ZDHHC16: variants seen among roughly 807,000 people sequenced by gnomAD.
The protein encoded by ZDHHC16 is zDHHC palmitoyltransferase 16, also known as palmitoyltransferase ZDHHC16.
In ZDHHC16, 33 loss-of-function variants were observed where a neutral mutation model predicts 54.4. The ratio of observed to expected loss-of-function variants is 0.61; its 90% CI spans 0.46 to 0.81. ZDHHC16 has a LOEUF of 0.81. Among genes scored for constraint, ZDHHC16 ranks in the 30% least tolerant of loss-of-function variants. The pLI, the probability that ZDHHC16 is intolerant of heterozygous loss-of-function variation, is 0.00. For synonymous variants in ZDHHC16, 185 were observed against 182.1 expected, an observed-to-expected ratio of 1.02 and a Z score of -0.13; for missense variants, 420 against 485.9, an observed-to-expected ratio of 0.86 and a Z score of 1.28.
chr10:97,456,269 G>C (rs1847173647), intron 11 of ZDHHC16: 1 of 519,572 alleles, frequency 1.9e-6, no homozygotes, highest in Non-Finnish European at 3.3e-6. Flanking sequence ...TGGAATCCTA[G>C]GAAAGCTGTG....
Position 97,446,191 on chromosome 10 carries a change from T to G in ZDHHC16, c.-348T>G, listed in dbSNP as rs1845995640. 1 of 721,996 alleles carries G rather than the reference T, an allele frequency of 1.4e-6. No homozygotes were observed. The highest frequency in any genetic ancestry group is 2.3e-6 in the Non-Finnish European group (1 of 437,620). The allele number at this position is 721,996 out of a possible 1,614,324, so 44.7% of individuals were successfully genotyped here. A position where few individuals can be genotyped will look rare whatever the true frequency, so the allele number is the denominator to read the frequency against. Reference sequence around the variant, plus strand: ...CCTGCGCGTGTGGTTGAGGATGGGCTGGCGGCGGGTCCGGGTCCGCTGCCT... The same window carrying G: ...CCTGCGCGTGTGGTTGAGGATGGGCGGGCGGCGGGTCCGGGTCCGCTGCCT... On this transcript the variant is annotated 5_prime_UTR_variant, in exon 1 of 12. Coordinates refer to ENST00000393760, the MANE Select transcript of ZDHHC16 (RefSeq NM_198046.3).
Position 97,454,704 on chromosome 10 carries a change from C to G in ZDHHC16, c.739-10C>G. 1 of 1,613,992 alleles carries G rather than the reference C, an allele frequency of 6.2e-7. No individual in the cohort carries two copies. Among genetic ancestry groups the G allele is most frequent in the Non-Finnish European group, 8.5e-7 (1 of 1,179,908 alleles). ...GCAAATGAGCCAGCTTTGCTGTTTT[C>G]TTTTTCTAGACTTATCACCAGACCC... is the stretch of plus-strand genomic sequence containing the variant. On this transcript the variant is annotated splice_polypyrimidine_tract_variant and intron_variant, in intron 8 of 11. Transcript: ENST00000393760.
At chr10:97,447,461 G>C (rs1485331601) in intron 1 of ZDHHC16, among the ~76,000 whole-genome samples, 3 of 152,230 alleles carry the variant, frequency 2.0e-5, no homozygotes, top group Non-Finnish European at 4.4e-5. Context: ...TCTGGTGGCA[G>C]ATGACCAGTA....
At chr10:97,453,480 C>A (rs779989175) in intron 6 of ZDHHC16, 50 bp from the exon 7 acceptor site, 3 of 1,597,748 alleles carry the variant, frequency 1.9e-6, no homozygotes, top group Non-Finnish European at 2.6e-6. Context: ...GGGGCCTGGA[C>A]ACCGCCTGAA....
At position 97,456,824 on chromosome 10, in the gene ZDHHC16, G is replaced by A. The variant is rs1215518284; in HGVS notation, c.1067G>A (p.Gly356Glu). Residue 356 changes from glycine to glutamate, a missense_variant, in exon 12 of 12, where the codon GGG (glycine) becomes GAG (glutamate). Transcript: ENST00000393760. The part of the protein sequence containing the change: ...VLLPSSHLPH[G>E]NGMSWEPPPW... ...TTACCTTCTAGTCACTTGCCCCATGGGAATGGAATGAGCTGGGAGCCCCCT... is the reference window on the plus strand; with the variant it reads ...TTACCTTCTAGTCACTTGCCCCATGAGAATGGAATGAGCTGGGAGCCCCCT... 6.2e-7 allele frequency: 1 copy of A among 1,613,820 alleles called. No homozygotes were observed.
chr10:97,453,348 A>G (rs1423352500), intron 6 of ZDHHC16, among the ~76,000 whole-genome samples, 182 bp from the exon 7 acceptor site: 1 of 151,848 alleles, frequency 6.6e-6, no homozygotes, highest in Non-Finnish European at 1.5e-5. Flanking sequence ...AAAAGCTTTG[A>G]GCATTTTCAC....
chr10:97,451,542 G>A, intron 2 of ZDHHC16, 129 bp from the exon 3 acceptor site: 1 of 1,318,846 alleles, frequency 7.6e-7, no homozygotes, highest in South Asian at 1.5e-5. Flanking sequence ...ACTTCTCACA[G>A]TTGGTGACTG....
At chr10:97,454,580 CTACCCTAACTCCTCTGTGGCTT>C in intron 8 of ZDHHC16, 112 bp from the exon 9 acceptor site, 1 of 784,934 alleles carries the variant, frequency 1.3e-6, no homozygotes, top group Non-Finnish European at 2.1e-6. Context: ...ATCTTGGCTG[CTACCCTAACTCCTCTGTGGCTT>C]TACCCTGTTT....
chr10:97,453,697 G>A lies in ZDHHC16; in HGVS notation c.690+34G>A, dbSNP rs777347131. On this transcript the variant is annotated intron_variant, in intron 7 of 11. Coordinates refer to ENST00000393760, the MANE Select transcript of ZDHHC16 (RefSeq NM_198046.3). The stretch of plus-strand genomic sequence containing the variant: ...ATCAGGAACAGGGCAGCTCAGTAGT[G>A]CAGAACTTCGGGATGTAGAACCTGT... The A allele has an allele frequency of 3.1e-6, 5 of 1,614,034 alleles. No individual in the cohort carries two copies. The African/African-American group carries it at 4.0e-5, about 13-fold the overall frequency.
At chr10:97,454,960 A>G (rs1036089352) in intron 9 of ZDHHC16, among the ~76,000 whole-genome samples, 161 bp downstream of exon 9, 3 of 152,224 alleles carry the variant, frequency 2.0e-5, no homozygotes, top group Admixed American at 2.0e-4. Context: ...CAGGGCAGGG[A>G]GCACTGAGGA....
rs771433126 is a variant in ZDHHC16, at chr10:97,453,887, TG to T, written c.738+46del. Reference sequence around the variant, plus strand: ...CCCACTGCCTCCTGCTGCTCAGGCCTGGGGGTATAGAGTTGCTAAGGCATCT... The same window carrying T: ...CCCACTGCCTCCTGCTGCTCAGGCCTGGGGTATAGAGTTGCTAAGGCATCT... On this transcript the variant is annotated intron_variant, in intron 8 of 11. Transcript: ENST00000393760. The T allele has an allele frequency of 4.0e-5, 64 of 1,613,524 alleles. No homozygotes were observed. The African/African-American group carries it at 7.1e-4, about 18-fold the overall frequency.
Position 97,451,830 on chromosome 10 carries a change from A to G in ZDHHC16, c.155A>G (p.Asn52Ser), listed in dbSNP as rs768225210. Residue 52 changes from asparagine to serine, a missense_variant, in exon 3 of 12, where the codon AAC becomes AGC. Transcript: ENST00000393760. ...GTCTGCCTGCGCTCCCTGCTCTACA[A>G]CTCCTTTGGGGGCAGTGACACCGCT... is the stretch of plus-strand genomic sequence containing the variant. ...GKVCLRSLLYNSFGGSDTAVD... is the reference protein window; with the variant it reads ...GKVCLRSLLYSSFGGSDTAVD... The G allele has an allele frequency of 3.7e-6, 6 of 1,613,720 alleles. No individual in the cohort carries two copies. Among genetic ancestry groups the G allele is most frequent in the Admixed American group, 3.3e-5 (2 of 59,970 alleles).
rs535480671 is a variant in ZDHHC16, at chr10:97,452,524, C to T, written c.527+21C>T. On this transcript the variant is annotated intron_variant, in intron 5 of 11. Transcript: ENST00000393760. ...AACAGGTGGGTCTTGGCTTTGCTCT[C>T]TGGGAATCCCAGCTGTGGTCCTTCT... 57 of 1,610,284 alleles carry T rather than the reference C, an allele frequency of 3.5e-5. No individual in the cohort carries two copies. The South Asian group carries it at 6.1e-4, about 17-fold the overall frequency.
Position 97,456,834 on chromosome 10 carries a change from G to A in ZDHHC16, c.1077G>A (p.Met359Ile). Residue 359 changes from methionine to isoleucine, a missense_variant, in exon 12 of 12, where the codon ATG (methionine) becomes ATA (isoleucine). Transcript: ENST00000393760. ...GTCACTTGCCCCATGGGAATGGAAT[G>A]AGCTGGGAGCCCCCTCCCTGGGTGA... ...PSSHLPHGNG[M>I]SWEPPPWVTA... The A allele has an allele frequency of 6.2e-7, 1 of 1,613,768 alleles. No individual in the cohort carries two copies. Among genetic ancestry groups the A allele is most frequent in the Non-Finnish European group, 8.5e-7 (1 of 1,179,840 alleles).
chr10:97,451,827 A>G lies in ZDHHC16; in HGVS notation c.152A>G (p.Tyr51Cys). The part of the protein sequence containing the change: ...YGKVCLRSLL[Y>C]NSFGGSDTAV... ...AAGGTCTGCCTGCGCTCCCTGCTCT[A>G]CAACTCCTTTGGGGGCAGTGACACC... The change falls in exon 3 of 12, where the codon TAC becomes TGC. Residue 51 changes from tyrosine to cysteine, a missense_variant. Coordinates refer to ENST00000393760, the MANE Select transcript of ZDHHC16 (RefSeq NM_198046.3). The G allele has an allele frequency of 6.2e-7, 1 of 1,614,174 alleles. No homozygotes were observed. The highest frequency in any genetic ancestry group is 8.5e-7 in the Non-Finnish European group (1 of 1,180,034).
Position 97,455,787 on chromosome 10 carries a change from A to C in ZDHHC16, c.948+4A>C. The C allele has an allele frequency of 1.7e-5, 27 of 1,613,332 alleles. No homozygotes were observed. The highest frequency in any genetic ancestry group is 2.3e-5 in the Non-Finnish European group (27 of 1,179,258). On this transcript the variant is annotated splice_donor_region_variant and intron_variant, in intron 10 of 11. Transcript: ENST00000393760. The stretch of plus-strand genomic sequence containing the variant: ...TCGGCTACAGGCCAAGGGCAGAGTG[A>C]GTAGGGTTGAAGGCTCGGGGTGGGT...
intron 10 of ZDHHC16, 40 bp from the exon 11 acceptor site, chr10:97,455,934 A>C (rs748316359): frequency 1.9e-6 from 3 of 1,613,100 alleles, no homozygotes; most frequent in East Asian, 2.2e-5. Context: ...TTAGTCTGAA[A>C]AATTAGAAGT....
Position 97,456,920 on chromosome 10 carries a change from A to G in ZDHHC16, c.*29A>G, listed in dbSNP as rs757519896. The G allele has an allele frequency of 1.7e-5, 26 of 1,545,434 alleles. No homozygotes were observed. In the East Asian group the frequency reaches 3.7e-4, roughly 22 times the overall value. ...GGACTGTGTCAGCCACGACTCGAGCACTCATTCTGCTCCCTATGTTATTTC... is the reference window on the plus strand; with the variant it reads ...GGACTGTGTCAGCCACGACTCGAGCGCTCATTCTGCTCCCTATGTTATTTC... On this transcript the variant is annotated 3_prime_UTR_variant, in exon 12 of 12. Transcript: ENST00000393760.
At chr10:97,446,719 C>T (rs368931134) in intron 1 of ZDHHC16, among the ~76,000 whole-genome samples, 9 of 152,282 alleles carry the variant, frequency 5.9e-5, no homozygotes, top group African/African-American at 1.9e-4. Flanking sequence ...AACCTTTTCC[C>T]GGTTTTTTTG....
Sources: gnomAD v4.1 joint callset for allele counts (sites outside exome capture counted in the v4.1 genomes callset) on GRCh38, gnomAD v4.1.1 for gene constraint, MANE v1.5 for transcripts, NCBI Gene and HGNC (gene_info 2026-07-23, HGNC 2026-07-21) for gene names.